Variants in TIAM2 observed in about 807,000 individuals in gnomAD.
TIAM2 encodes TIAM Rac1 associated GEF 2, also known as rho guanine nucleotide exchange factor TIAM2.
Under a neutral mutation model 152.9 loss-of-function variants are expected in TIAM2, and 80 were observed. The ratio of observed to expected loss-of-function variants is 0.52; its 90% CI spans 0.44 to 0.63. The LOEUF (loss-of-function observed/expected upper bound fraction) is 0.63, where lower values mean the gene tolerates loss of function less well. TIAM2 is among the 30% of genes least tolerant of loss of function. The pLI is 0.00. For missense variants in TIAM2, 1,965 were observed against 2,120.1 expected (o/e 0.93, Z 1.44); for synonymous variants, 804 against 838.0 (o/e 0.96, Z 0.70).
chr6:155,029,587 T>TATAATAGTATATATAA (rs1222320213), intron 1 of TIAM2, among the ~76,000 whole-genome samples: 1 of 78,210 alleles, frequency 1.3e-5, no homozygotes, highest in African/African-American at 5.6e-5. Context: ...TATATAACTA[T>TATAATAGTATATATAA]ATAGTATATA....
At chr6:155,036,255 A>T (rs917417398) in intron 1 of TIAM2, among the ~76,000 whole-genome samples, 1 of 152,120 alleles carries the variant, frequency 6.6e-6, no homozygotes, top group Non-Finnish European at 1.5e-5. Context: ...TGTTGAGGCC[A>T]GGTGTGGTGG....
At chr6:155,192,195 T>C (rs1450243207) in intron 14 of TIAM2, among the ~76,000 whole-genome samples, 1 of 152,134 alleles carries the variant, frequency 6.6e-6, no homozygotes, top group East Asian at 1.9e-4. Context: ...AGTCCTCCCT[T>C]ACAGCCTCCA....
At position 155,194,178 on chromosome 6, in the gene TIAM2, A is replaced by G. The variant is rs1458857088; in HGVS notation, c.3064+10678A>G. 9.2e-5 allele frequency among the ~76,000 whole-genome samples: 14 copies of G among 152,206 alleles called. No individual in the cohort carries two copies. In the East Asian group the frequency reaches 2.3e-3, roughly 25 times the overall value. On this transcript the variant is annotated intron_variant, in intron 14 of 26. Transcript: ENST00000682666. ...AGGGGGCATAGAGCGTTCCAGGCGC[A>G]GAGAAGCCGGGAGGAGGCCGGGGCT...
At chr6:155,060,988 C>G (rs1458689067) in intron 1 of TIAM2, among the ~76,000 whole-genome samples, 1 of 149,234 alleles carries the variant, frequency 6.7e-6, no homozygotes, top group Non-Finnish European at 1.5e-5. Context: ...GTACCTGGTT[C>G]ATCTTCAATT....
chr6:155,112,318 C>T (rs191914068), intron 2 of TIAM2, among the ~76,000 whole-genome samples: 294 of 151,738 alleles, frequency 1.9e-3, no homozygotes, highest in African/African-American at 4.6e-3. Context: ...TTAGTAGAGA[C>T]GGGGTTTCGT....
chr6:155,252,577 G>T (rs911712417), intron 23 of TIAM2, among the ~76,000 whole-genome samples: 1 of 152,180 alleles, frequency 6.6e-6, no homozygotes, highest in African/African-American at 2.4e-5. Context: ...CATAAACATA[G>T]TCTGTGAAAC....
chr6:155,159,091 T>C (rs1385732), intron 7 of TIAM2, among the ~76,000 whole-genome samples: 71,601 of 152,002 alleles, frequency 0.47, 17,366 homozygotes, highest in Middle Eastern at 0.55. Context: ...TATGTATCTT[T>C]GTCTTTCTTT....
intron 15 of TIAM2, among the ~76,000 whole-genome samples, chr6:155,235,015 GCTAGAGACAGAGCAC>G (rs879421539): frequency 7.3e-5 from 11 of 151,684 alleles, no homozygotes; most frequent in East Asian, 1.9e-4. Context: ...ATGGAGCACA[GCTAGAGACAGAGCAC>G]AGCTAGAGAG....
chr6:155,072,832 G>A (rs1777869504), intron 1 of TIAM2, among the ~76,000 whole-genome samples: 1 of 152,186 alleles, frequency 6.6e-6, no homozygotes, highest in South Asian at 2.1e-4. Flanking sequence ...GGCTGGGTCA[G>A]TTGTGGGGCA....
At chr6:155,047,584 T>C (rs1327155224) in intron 1 of TIAM2, among the ~76,000 whole-genome samples, 5 of 150,364 alleles carry the variant, frequency 3.3e-5, no homozygotes, top group Non-Finnish European at 1.5e-5. Context: ...AAAAGCCCAT[T>C]GATGTCTTGA....
At chr6:155,064,286 T>C (rs80089357) in intron 1 of TIAM2, among the ~76,000 whole-genome samples, 24,899 of 152,200 alleles carry the variant, frequency 0.16, 2,207 homozygotes, top group Middle Eastern at 0.24. Context: ...TAATACAGTA[T>C]CTTATATTTA....
chr6:155,114,027 TA>T (rs1778930542), intron 2 of TIAM2, among the ~76,000 whole-genome samples: 3 of 50,832 alleles, frequency 5.9e-5, no homozygotes, highest in Non-Finnish European at 8.0e-5. Flanking sequence ...TATATATATA[TA>T]TATATATATT....
At chr6:155,068,740 A>G (rs1485723620) in intron 1 of TIAM2, among the ~76,000 whole-genome samples, 1 of 152,060 alleles carries the variant, frequency 6.6e-6, no homozygotes, top group Non-Finnish European at 1.5e-5. Flanking sequence ...TTTTGGTTTT[A>G]AATAACATTT....
At chr6:155,027,036 A>AT (rs1189353805) in intron 1 of TIAM2, among the ~76,000 whole-genome samples, 1 of 151,732 alleles carries the variant, frequency 6.6e-6, no homozygotes. Flanking sequence ...ACTATTAAAT[A>AT]TTTTTTACCT....
rs556645160 is a variant in TIAM2 at position 155,250,097 on chromosome 6, A to C, written c.3951+128A>C. On this transcript the variant is annotated intron_variant, in intron 21 of 26. Transcript: ENST00000682666. ...AATGCCTAAGATTTTTCTTGATAAC[A>C]ATGTGTCTAATGAACTACACAATTT... 49 of 632,788 alleles carry C rather than the reference A, an allele frequency of 7.7e-5. No individual in the cohort carries two copies. In the South Asian group the frequency reaches 9.4e-4, roughly 12 times the overall value. The allele number at this position is 632,788 out of a possible 1,614,324, so 39.2% of individuals were successfully genotyped here.
At chr6:155,203,548 T>C (rs1781529534) in intron 14 of TIAM2, among the ~76,000 whole-genome samples, 1 of 152,236 alleles carries the variant, frequency 6.6e-6, no homozygotes, top group Non-Finnish European at 1.5e-5. Flanking sequence ...GTAACTCTAA[T>C]GCCAAAGTGG....
intron 7 of TIAM2, among the ~76,000 whole-genome samples, chr6:155,153,776 T>G (rs1204193813): frequency 6.6e-6 from 1 of 151,940 alleles, no homozygotes; most frequent in African/African-American, 2.4e-5. Flanking sequence ...CACCCACCAC[T>G]ACGCCCAGCT....
chr6:155,225,336 A>G (rs1278527943), intron 15 of TIAM2, among the ~76,000 whole-genome samples: 1 of 152,240 alleles, frequency 6.6e-6, no homozygotes, highest in Non-Finnish European at 1.5e-5. Context: ...TGACACACCC[A>G]TCAGGACAGG....
intron 1 of TIAM2, among the ~76,000 whole-genome samples, chr6:155,002,236 C>T (rs574372623): frequency 6.6e-5 from 10 of 152,262 alleles, no homozygotes; most frequent in African/African-American, 2.4e-4. Flanking sequence ...TAGTAAGACC[C>T]TGTCTCTGTA....
Sources: gnomAD v4.1 joint callset for allele counts (sites outside exome capture counted in the v4.1 genomes callset) on GRCh38, gnomAD v4.1.1 for gene constraint, MANE v1.5 for transcripts, NCBI Gene and HGNC (gene_info 2026-07-23, HGNC 2026-07-21) for gene names.